Variants in CNTNAP5 observed in about 807,000 individuals in gnomAD.
CNTNAP5 encodes contactin-associated protein-like 5.
In CNTNAP5, 72 loss-of-function variants were observed where a neutral mutation model predicts 150.2. The ratio of observed to expected loss-of-function variants is 0.48; its 90% CI spans 0.40 to 0.58. The LOEUF (loss-of-function observed/expected upper bound fraction) is 0.58. Among genes scored for constraint, CNTNAP5 ranks in the 20% least tolerant of loss-of-function variants. The pLI is 0.00. For synonymous variants in CNTNAP5, 672 were observed against 619.8 expected (o/e 1.08, Z -1.25); for missense variants, 1,636 against 1,626.2 (o/e 1.01, Z -0.10).
chr2:124,035,911 T>TG (rs66736233), intron 1 of CNTNAP5, among the ~76,000 whole-genome samples: 9 of 9,748 alleles, frequency 9.2e-4, no homozygotes, highest in Non-Finnish European at 2.0e-3. Context: ...GGATGAACTC[T>TG]TTTTTTTTTT....
chr2:124,756,228 T>C (rs1341567942), intron 14 of CNTNAP5, among the ~76,000 whole-genome samples: 10 of 152,180 alleles, frequency 6.6e-5, no homozygotes, highest in Non-Finnish European at 1.2e-4. Flanking sequence ...TACCATCTTA[T>C]ACCAGTCAGA....
At chr2:124,039,401 G>T (rs1419691551) in intron 1 of CNTNAP5, among the ~76,000 whole-genome samples, 1 of 152,198 alleles carries the variant, frequency 6.6e-6, no homozygotes, top group African/African-American at 2.4e-5. Context: ...CTGGATGAGG[G>T]ATAATACGGG....
intron 13 of CNTNAP5, among the ~76,000 whole-genome samples, chr2:124,723,345 A>G (rs1680087890): frequency 6.6e-6 from 1 of 152,156 alleles, no homozygotes; most frequent in Non-Finnish European, 1.5e-5. Context: ...TTCAATTTCC[A>G]GTAACATGCT....
intron 1 of CNTNAP5, among the ~76,000 whole-genome samples, chr2:124,163,985 A>G (rs1684749655): frequency 6.6e-6 from 1 of 152,138 alleles, no homozygotes; most frequent in Non-Finnish European, 1.5e-5. Flanking sequence ...TATCCAAAAC[A>G]TTCATTTTCT....
At chr2:124,860,670 C>A (rs1558804072) in intron 19 of CNTNAP5, among the ~76,000 whole-genome samples, 1 of 152,032 alleles carries the variant, frequency 6.6e-6, no homozygotes, top group South Asian at 2.1e-4. Context: ...TATGTCCTGG[C>A]TCCCAAGGAT....
chr2:124,373,195 C>T (rs1690570966), intron 3 of CNTNAP5, among the ~76,000 whole-genome samples: 1 of 152,152 alleles, frequency 6.6e-6, no homozygotes, highest in Non-Finnish European at 1.5e-5. Context: ...TTACAGGCAA[C>T]TTCAAACTCT....
chr2:124,646,981 TA>T (rs1428764905), intron 12 of CNTNAP5, among the ~76,000 whole-genome samples: 1 of 152,090 alleles, frequency 6.6e-6, no homozygotes. Context: ...TCTTTAAAAA[TA>T]AAAATTTTTT....
At position 124,166,267 on chromosome 2, in the gene CNTNAP5, C is replaced by A. The variant is rs139166327; in HGVS notation, c.83-55438C>A. ...ACACGGACTGTTGTTTTGTTTAAAA[C>A]GAATGGCTGTAATCCTGATTAAAGC... On this transcript the variant is annotated intron_variant, in intron 1 of 23. Transcript: ENST00000682447. Among the ~76,000 whole-genome samples, 571 of 152,202 alleles carry A rather than the reference C, an allele frequency of 3.8e-3. 6 individuals carry two copies. The highest frequency in any genetic ancestry group is 0.012 in the African/African-American group (488 of 41,554).
chr2:124,778,847 A>G (rs1573611337), intron 17 of CNTNAP5, among the ~76,000 whole-genome samples: 1 of 112,774 alleles, frequency 8.9e-6, no homozygotes, highest in African/African-American at 5.7e-5. Flanking sequence ...AGTTAAAAAG[A>G]AAAAAAAAAA....
rs577243026 is a variant in CNTNAP5 at position 124,251,283 on chromosome 2, T to C, written c.381+8890T>C. Among the ~76,000 whole-genome samples the C allele has an allele frequency of 1.7e-4, 23 of 138,626 alleles. No individual in the cohort carries two copies. The South Asian group carries it at 1.8e-3, about 11-fold the overall frequency. 90.9% of individuals were successfully genotyped at this position (138,626 alleles called of 152,430 possible). Reference sequence around the variant, plus strand: ...AGGAGCTCATAGGAAAAAGAAACAGTTTTCCCCCACCCCCCCAAGTATTGG... The same window carrying C: ...AGGAGCTCATAGGAAAAAGAAACAGCTTTCCCCCACCCCCCCAAGTATTGG... On this transcript the variant is annotated intron_variant, in intron 3 of 23. Coordinates refer to ENST00000682447, the MANE Select transcript of CNTNAP5 (RefSeq NM_001367498.1).
rs1450840197 is a variant in CNTNAP5 at position 124,280,014 on chromosome 2, G to A, written c.381+37621G>A. Among the ~76,000 whole-genome samples, 6 of 151,990 alleles carry A rather than the reference G, an allele frequency of 3.9e-5. No individual in the cohort carries two copies. In the South Asian group the frequency reaches 1.2e-3, roughly 32 times the overall value. ...AACATGTAACTTAAATATCCATCCAGCATTTGCTTCTAGAAATTTAGTGTT... is the reference window on the plus strand; with the variant it reads ...AACATGTAACTTAAATATCCATCCAACATTTGCTTCTAGAAATTTAGTGTT... On this transcript the variant is annotated intron_variant, in intron 3 of 23. Coordinates refer to ENST00000682447, the MANE Select transcript of CNTNAP5 (RefSeq NM_001367498.1).
At chr2:124,207,188 A>G (rs188440157) in intron 1 of CNTNAP5, among the ~76,000 whole-genome samples, 132 of 152,280 alleles carry the variant, frequency 8.7e-4, no homozygotes, top group African/African-American at 3.0e-3. Flanking sequence ...TTCTGTCTGG[A>G]GCTCTCAGAC....
chr2:124,662,543 C>T (rs1334557181), intron 13 of CNTNAP5, among the ~76,000 whole-genome samples: 1 of 152,022 alleles, frequency 6.6e-6, no homozygotes, highest in Admixed American at 6.5e-5. Flanking sequence ...CTTGTTAGTC[C>T]AGTTATATAA....
intron 2 of CNTNAP5, among the ~76,000 whole-genome samples, chr2:124,227,086 C>T (rs1686478636): frequency 6.6e-6 from 1 of 152,074 alleles, no homozygotes; most frequent in Non-Finnish European, 1.5e-5. Context: ...GACAAACGTT[C>T]AAGTTATAGC....
At chr2:124,094,126 T>C (rs1682877512) in intron 1 of CNTNAP5, among the ~76,000 whole-genome samples, 2 of 152,212 alleles carry the variant, frequency 1.3e-5, no homozygotes, top group South Asian at 4.1e-4. Flanking sequence ...AGAATGTTGG[T>C]GTGTGAATAA....
At chr2:124,896,851 G>A (rs1223757358) in intron 21 of CNTNAP5, among the ~76,000 whole-genome samples, 1 of 151,534 alleles carries the variant, frequency 6.6e-6, no homozygotes, top group African/African-American at 2.4e-5. Context: ...GAATATGGAA[G>A]TTCTTAACTT....
chr2:124,486,926 A>T (rs1693894291), intron 7 of CNTNAP5, among the ~76,000 whole-genome samples: 2 of 152,236 alleles, frequency 1.3e-5, no homozygotes, highest in South Asian at 4.1e-4. Context: ...TTACCTGTCT[A>T]CATGAAGATT....
intron 6 of CNTNAP5, among the ~76,000 whole-genome samples, chr2:124,458,121 T>A (rs1693162612): frequency 6.6e-6 from 1 of 151,016 alleles, no homozygotes; most frequent in East Asian, 1.9e-4. Flanking sequence ...CACACATGTT[T>A]ATAGCAGCAC....
rs186866105 is a variant in CNTNAP5 at position 124,254,573 on chromosome 2, G to C, written c.381+12180G>C. 3.3e-3 allele frequency among the ~76,000 whole-genome samples: 503 copies of C among 152,322 alleles called. 2 individuals carry two copies. Among genetic ancestry groups the C allele is most frequent in the African/African-American group, 0.01 (429 of 41,580 alleles). ...GATCTGGAAACAAGGTAAACCACCA[G>C]GAGAGCCAGAAATTTAACAATGACC... On this transcript the variant is annotated intron_variant, in intron 3 of 23. Coordinates refer to ENST00000682447, the MANE Select transcript of CNTNAP5 (RefSeq NM_001367498.1).
Sources: gnomAD v4.1 joint callset for allele counts (sites outside exome capture counted in the v4.1 genomes callset) on GRCh38, gnomAD v4.1.1 for gene constraint, MANE v1.5 for transcripts, NCBI Gene and HGNC (gene_info 2026-07-23, HGNC 2026-07-21) for gene names.